LONRF3: variants seen among roughly 807,000 people sequenced by gnomAD.
LONRF3 encodes the protein LON peptidase N-terminal domain and RING finger protein 3.
A neutral mutation model predicts 51.7 loss-of-function variants in LONRF3; 19 were observed. The observed-to-expected ratio is 0.37, with a 90% CI of 0.26 to 0.54. LONRF3 has a LOEUF of 0.54. Ranked by LOEUF, LONRF3 falls within the 20% of genes least tolerant of loss-of-function variation. The pLI is 0.86. For missense variants in LONRF3, 521 were observed against 623.9 expected (o/e 0.84, Z 1.76); for synonymous variants, 265 against 257.8 (o/e 1.03, Z -0.27).
chrX:119,013,799 T>C (rs144250170), intron 9 of LONRF3, among the ~76,000 whole-genome samples: 226 of 112,110 alleles, frequency 2.0e-3, no homozygotes, highest in Non-Finnish European at 3.7e-3. Context: ...GTAAATGTGT[T>C]TGACCAAGAT....
chrX:118,975,202 C>A lies in LONRF3; in HGVS notation c.422C>A (p.Thr141Lys), dbSNP rs1569474088. 1 of 1,166,483 alleles carries A rather than the reference C, an allele frequency of 8.6e-7. No homozygotes were observed. Among genetic ancestry groups the A allele is most frequent in the African/African-American group, 1.8e-5 (1 of 55,535 alleles). Reference protein sequence around the residue: ...TASGTVAAEETGAAAAAAATE... With the variant: ...TASGTVAAEEKGAAAAAAATE... The stretch of plus-strand genomic sequence containing the variant: ...AGCGGCACCGTGGCGGCGGAAGAGA[C>A]GGGGGCCGCCGCGGCTGCGGCGGCC... Residue 141 changes from threonine to lysine, a missense_variant, in exon 1 of 11, where the codon ACG (threonine) becomes AAG (lysine). Around this residue, in one of 2 missense-constraint regions of LONRF3, gnomAD observed 376 missense variants for 376.7 expected, o/e 1.00. Coordinates refer to ENST00000371628, the MANE Select transcript of LONRF3 (RefSeq NM_001031855.3).
chrX:118,999,451 G>A (rs190166739), intron 5 of LONRF3, among the ~76,000 whole-genome samples: 2 of 110,876 alleles, frequency 1.8e-5, no homozygotes, highest in African/African-American at 6.8e-5. Context: ...CTAAGCCCAT[G>A]ATGTGCGCTG....
At chrX:118,999,646 C>G (rs1341306579) in intron 5 of LONRF3, among the ~76,000 whole-genome samples, 2 of 111,849 alleles carry the variant, frequency 1.8e-5, no homozygotes, top group Non-Finnish European at 3.8e-5. Context: ...TCCCTTTCAT[C>G]TTGTTTGTCC....
intron 5 of LONRF3, among the ~76,000 whole-genome samples, chrX:118,992,004 G>A (rs1923464735): frequency 8.9e-6 from 1 of 112,031 alleles, no homozygotes; most frequent in Non-Finnish European, 1.9e-5. Context: ...TCCAGGACAA[G>A]GTCCACATCC....
chrX:118,989,003 C>T (rs762579239), intron 3 of LONRF3, among the ~76,000 whole-genome samples: 16 of 110,230 alleles, frequency 1.5e-4, no homozygotes, highest in African/African-American at 5.3e-4. Flanking sequence ...GCAGTGAGGG[C>T]GAGAGGAACT....
intron 6 of LONRF3, among the ~76,000 whole-genome samples, 163 bp downstream of exon 6, chrX:119,006,398 CTTTTTTT>C (rs1042593971): frequency 3.5e-5 from 3 of 86,741 alleles, no homozygotes; most frequent in South Asian, 5.1e-4. Flanking sequence ...CTCCTGTCTT[CTTTTTTT>C]TTTTTTTTTT....
chrX:118,985,907 C>T (rs952500128), intron 3 of LONRF3, among the ~76,000 whole-genome samples: 1 of 111,384 alleles, frequency 9.0e-6, no homozygotes, highest in Non-Finnish European at 1.9e-5. Context: ...AATTAATACC[C>T]TAACTATGTA....
chrX:119,003,447 C>T (rs1924475505), intron 5 of LONRF3, among the ~76,000 whole-genome samples: 1 of 112,030 alleles, frequency 8.9e-6, no homozygotes, highest in Non-Finnish European at 1.9e-5. Flanking sequence ...TATAGATAGC[C>T]AACTCTCCTA....
intron 5 of LONRF3, among the ~76,000 whole-genome samples, chrX:118,996,111 G>A (rs892293789): frequency 2.7e-5 from 3 of 112,140 alleles, no homozygotes; most frequent in Non-Finnish European, 3.8e-5. Flanking sequence ...AAGCGATGCT[G>A]GATTTTGTTT....
intron 10 of LONRF3, 103 bp downstream of exon 10, chrX:119,014,459 C>A: frequency 1.3e-6 from 1 of 768,359 alleles, no homozygotes; most frequent in Non-Finnish European, 1.9e-6. Context: ...ACATCGAATG[C>A]AGAGAGGAAG....
Position 118,974,699 on chromosome X carries a change from GC to G in LONRF3, c.-78del, listed in dbSNP as rs1415657485. 1 of 898,540 alleles carries G rather than the reference GC, an allele frequency of 1.1e-6. No individual in the cohort carries two copies. The highest frequency in any genetic ancestry group is 1.5e-6 in the Non-Finnish European group (1 of 659,166). 74.0% of individuals were successfully genotyped at this position (898,540 alleles called of 1,213,427 possible). On this transcript the variant is annotated 5_prime_UTR_variant, in exon 1 of 11. The change abolishes the stop of an existing upstream ORF in the 5' untranslated region. Coordinates refer to ENST00000371628, the MANE Select transcript of LONRF3 (RefSeq NM_001031855.3). ...GCTCGGTGGCATGGCGGCGGTGGCT[GC>G]CCCGATTTCCTCCAGCTGCCACTCC...
Position 119,014,188 on chromosome X carries a change from T to C in LONRF3, c.1975-19T>C. On this transcript the variant is annotated intron_variant, in intron 9 of 10. Transcript: ENST00000371628. Reference sequence around the variant, plus strand: ...TGGAGAGGGTACAGAATGTTTCACTTCCACTTTGATACTTTCAGGTTCAGG... The same window carrying C: ...TGGAGAGGGTACAGAATGTTTCACTCCCACTTTGATACTTTCAGGTTCAGG... 1 of 1,195,339 alleles carries C rather than the reference T, an allele frequency of 8.4e-7. No homozygotes were observed. Among genetic ancestry groups the C allele is most frequent in the Middle Eastern group, 2.3e-4 (1 of 4,258 alleles).
At chrX:118,978,626 G>T (rs766898131) in intron 2 of LONRF3, among the ~76,000 whole-genome samples, 163 bp downstream of exon 2, 1 of 111,047 alleles carries the variant, frequency 9.0e-6, no homozygotes, top group African/African-American at 3.3e-5. Context: ...AGTGACTCAG[G>T]TCTGCAAGGG....
Position 119,017,782 on chromosome X carries a change from C to T in LONRF3, c.*92C>T. The T allele has an allele frequency of 1.1e-6, 1 of 871,903 alleles. No homozygotes were observed. Among genetic ancestry groups the T allele is most frequent in the Non-Finnish European group, 1.6e-6 (1 of 637,310 alleles). 71.9% of individuals were successfully genotyped at this position (871,903 alleles called of 1,213,427 possible). A position where few individuals can be genotyped will look rare whatever the true frequency, so the allele number is the denominator to read the frequency against. ...ATATCTAATTGCAATAATATCTTAA[C>T]AGAAGGGGGTGTCAAACAGAGGCAT... On this transcript the variant is annotated 3_prime_UTR_variant, in exon 11 of 11. Transcript: ENST00000371628.
At chrX:118,981,845 G>C (rs983860163) in intron 2 of LONRF3, among the ~76,000 whole-genome samples, 3 of 112,079 alleles carry the variant, frequency 2.7e-5, no homozygotes, top group Non-Finnish European at 3.8e-5. Context: ...GGGCAGGGGA[G>C]TATCCAGCAG....
chrX:118,981,214 G>A (rs1233236925), intron 2 of LONRF3, among the ~76,000 whole-genome samples: 2 of 110,702 alleles, frequency 1.8e-5, no homozygotes, highest in African/African-American at 6.6e-5. Context: ...GCCGGGCATG[G>A]TGGCTTACTC....
intron 10 of LONRF3, among the ~76,000 whole-genome samples, chrX:119,014,881 C>T (rs1041991199): frequency 2.7e-5 from 3 of 111,972 alleles, no homozygotes; most frequent in South Asian, 7.5e-4. Flanking sequence ...ATCTATGCTT[C>T]GCCCTGCAAG....
chrX:119,009,159 A>T lies in LONRF3; in HGVS notation c.1564A>T (p.Ile522Leu). The T allele has an allele frequency of 8.3e-7, 1 of 1,210,594 alleles. No individual in the cohort carries two copies. Among genetic ancestry groups the T allele is most frequent in the Non-Finnish European group, 1.1e-6 (1 of 894,718 alleles). Residue 522 changes from isoleucine (I) to leucine (L), a missense_variant, in exon 7 of 11, where the codon ATA becomes TTA. Physicochemically the swap from Ile to Leu is conservative, Grantham distance 5 (BLOSUM62 2). Transcript: ENST00000371628. ...ATCAAGAAAATACAGCAAAAATGTAATAATGGAGGAGCTCATAGCTAAATT... is the reference window on the plus strand; with the variant it reads ...ATCAAGAAAATACAGCAAAAATGTATTAATGGAGGAGCTCATAGCTAAATT... Reference protein sequence around the residue: ...LASRKYSKNVIMEELIAKFLP... With the variant: ...LASRKYSKNVLMEELIAKFLP...
At chrX:118,992,734 A>AACC (rs1923519013) in intron 5 of LONRF3, among the ~76,000 whole-genome samples, 1 of 111,320 alleles carries the variant, frequency 9.0e-6, no homozygotes, top group African/African-American at 3.3e-5. Context: ...TAGAGCATTA[A>AACC]ACCACCAAAG....
Sources: allele counts gnomAD v4.1 joint callset (sites outside exome capture counted in the v4.1 genomes callset), GRCh38; gene constraint gnomAD v4.1.1; regional missense constraint gnomAD v4.1.1; transcripts MANE v1.5; gene names NCBI Gene and HGNC (gene_info 2026-07-23, HGNC 2026-07-21).